Variants in KDM5C observed in about 807,000 individuals in gnomAD.
KDM5C encodes lysine-specific demethylase 5C.
Under a neutral mutation model 110.6 loss-of-function variants are expected in KDM5C, and 16 were observed. That is an observed-to-expected ratio of 0.14 (90% CI 0.10 to 0.22). KDM5C has a LOEUF of 0.22. KDM5C is among the 10% of genes least tolerant of loss of function. KDM5C has a pLI of 1.00. For missense variants in KDM5C, 681 were observed against 1,300.9 expected, an observed-to-expected ratio of 0.52 and a Z score of 7.33; for synonymous variants, 511 against 520.4, an observed-to-expected ratio of 0.98 and a Z score of 0.24.
chrX:53,176,632 G>A (rs1602138955), intron 25 of KDM5C, among the ~76,000 whole-genome samples: 1 of 112,051 alleles, frequency 8.9e-6, no homozygotes, highest in East Asian at 2.8e-4. Flanking sequence ...CCTGAGAAAG[G>A]AACTCAGATA....
At chrX:53,215,657 A>G (rs1049729053) in intron 7 of KDM5C, 138 bp downstream of exon 7, 18 of 613,337 alleles carry the variant, frequency 2.9e-5, no homozygotes, top group Non-Finnish European at 4.8e-5. Flanking sequence ...TGTTTCCCCA[A>G]TTAAGTGAGC....
chrX:53,210,974 C>A, intron 10 of KDM5C, 117 bp from the exon 11 acceptor site: 1 of 643,317 alleles, frequency 1.6e-6, no homozygotes, highest in East Asian at 3.4e-5. Flanking sequence ...TTTTTTGAAA[C>A]ATCTTAAGAA....
intron 25 of KDM5C, among the ~76,000 whole-genome samples, chrX:53,182,609 C>T (rs892476694): frequency 9.8e-5 from 11 of 111,870 alleles, no homozygotes; most frequent in African/African-American, 3.3e-4. Flanking sequence ...TCAGGTGATC[C>T]GCCCACCTCG....
rs1556832612 is a variant in KDM5C at position 53,193,281 on chromosome X, T to A, written c.4369A>T (p.Arg1457Trp). 8.3e-7 allele frequency: 1 copy of A among 1,206,772 alleles called. No homozygotes were observed. Among genetic ancestry groups the A allele is most frequent in the Non-Finnish European group, 1.1e-6 (1 of 894,534 alleles). Residue 1457 changes from arginine to tryptophan, a missense_variant, in exon 26 of 26, where the codon AGG becomes TGG. Physicochemically the swap from Arg to Trp is moderately radical, Grantham distance 101 (BLOSUM62 -3). Around this residue, in one of 14 missense-constraint regions of KDM5C, gnomAD observed 115 missense variants for 120.9 expected, o/e 0.95. Transcript: ENST00000375401. ...CGATCCACCTTCCGCCGCCGCCGCC[T>A]CTCCAGGGCCCGGCCCCGAGCCCGA... is the stretch of plus-strand genomic sequence containing the variant. ...GSRARGRALERRRRRKVDRGG... is the reference protein window; with the variant it reads ...GSRARGRALEWRRRRKVDRGG...
chrX:53,197,905 G>C (rs1556838859), intron 17 of KDM5C, 29 bp from the exon 18 acceptor site: 2 of 1,060,241 alleles, frequency 1.9e-6, no homozygotes, highest in Non-Finnish European at 2.6e-6. Context: ...GAGGTTTCAG[G>C]TCCAAACTCA....
At chrX:53,209,339 C>T (rs2073486600) in intron 12 of KDM5C, among the ~76,000 whole-genome samples, 1 of 110,870 alleles carries the variant, frequency 9.0e-6, no homozygotes, top group African/African-American at 3.3e-5. Context: ...TAGGACACCT[C>T]CTTCTGTCCA....
intron 14 of KDM5C, among the ~76,000 whole-genome samples, chrX:53,199,995 A>G (rs1556840865): frequency 5.4e-5 from 6 of 111,566 alleles, no homozygotes; most frequent in African/African-American, 2.0e-4. Flanking sequence ...GGTCTGTTTC[A>G]TTATCTAGTA....
chrX:53,221,429 A>G (rs1279016244), intron 1 of KDM5C, among the ~76,000 whole-genome samples: 3 of 111,762 alleles, frequency 2.7e-5, no homozygotes, highest in African/African-American at 9.8e-5. Flanking sequence ...TATGAACTCT[A>G]GCCCTGGCTT....
chrX:53,195,652 C>G (rs897060611), intron 20 of KDM5C, among the ~76,000 whole-genome samples: 1 of 111,867 alleles, frequency 8.9e-6, no homozygotes, highest in Non-Finnish European at 1.9e-5. Context: ...CTCCTCCATG[C>G]CCCTGCCCTG....
chrX:53,208,741 G>A (rs1393293671), intron 12 of KDM5C, among the ~76,000 whole-genome samples: 5 of 104,060 alleles, frequency 4.8e-5, no homozygotes, highest in African/African-American at 1.8e-4. Flanking sequence ...CTGACCTCAG[G>A]TGATCCGGCC....
Position 53,196,872 on chromosome X carries a change from T to G in KDM5C, c.2795A>C (p.Asp932Ala). 8.3e-7 allele frequency: 1 copy of G among 1,203,589 alleles called. No individual in the cohort carries two copies. The highest frequency in any genetic ancestry group is 3.0e-5 in the East Asian group (1 of 33,367). Residue 932 changes from aspartate to alanine, a missense_variant, in exon 19 of 26, where the codon GAT becomes GCT. Asp to Ala is a moderately radical substitution (Grantham distance 126). Around this residue, in one of 14 missense-constraint regions of KDM5C, gnomAD observed 123 missense variants for 169.0 expected, o/e 0.73. Transcript: ENST00000375401. ...GGGGGCCAGTGTGCGTTTCACCTCA[T>G]CCAGCCATCGCGCCTGTTCCACCTG... Reference protein sequence around the residue: ...QRQVEQARWLDEVKRTLAPSA... With the variant: ...QRQVEQARWLAEVKRTLAPSA...
chrX:53,208,669 C>CT (rs1335726914), intron 12 of KDM5C, among the ~76,000 whole-genome samples: 1 of 105,812 alleles, frequency 9.5e-6, no homozygotes, highest in Non-Finnish European at 1.9e-5. Flanking sequence ...CCACGCCCGG[C>CT]TAATTCTGTA....
In KDM5C at chrX:53,193,113, T is replaced by C. The variant is rs1197071783; in HGVS notation, c.4537A>G (p.Thr1513Ala). The C allele has an allele frequency of 1.7e-6, 2 of 1,207,284 alleles. No individual in the cohort carries two copies. Among genetic ancestry groups the C allele is most frequent in the African/African-American group, 1.8e-5 (1 of 56,444 alleles). ...GGEGPPAPIPTTGSPSTQENQ... is the reference protein window; with the variant it reads ...GGEGPPAPIPATGSPSTQENQ... ...TCCTGGGTGCTGGGGCTGCCAGTGG[T>C]GGGGATGGGTGCAGGGGGGCCCTCA... Residue 1513 changes from threonine (T) to alanine (A), a missense_variant, in exon 26 of 26, where the codon ACC becomes GCC. Around this residue, in one of 14 missense-constraint regions of KDM5C, gnomAD observed 115 missense variants for 120.9 expected, o/e 0.95. Coordinates refer to ENST00000375401, the MANE Select transcript of KDM5C (RefSeq NM_004187.5).
intron 14 of KDM5C, 143 bp downstream of exon 14, chrX:53,201,407 A>C (rs2073135171): frequency 3.5e-6 from 2 of 572,497 alleles, no homozygotes; most frequent in African/African-American, 4.5e-5. Flanking sequence ...GGTATAGCAG[A>C]GAATGGTATG....
In KDM5C at chrX:53,220,864, C is replaced by CG. The variant is rs782600511; in HGVS notation, c.202dup (p.Arg68ProfsTer7). ...CTCTAGCTCATTCAGCCTCTGGATT[C>CG]GGGGGGTAAACCTGAAGTTGTCCAC... On this transcript the variant is annotated frameshift_variant, in exon 2 of 26. Coordinates refer to ENST00000375401, the MANE Select transcript of KDM5C (RefSeq NM_004187.5). LOFTEE classifies it high-confidence loss of function. 1 of 1,208,871 alleles carries CG rather than the reference C, an allele frequency of 8.3e-7. No homozygotes were observed. Among genetic ancestry groups the CG allele is most frequent in the South Asian group, 1.8e-5 (1 of 56,724 alleles).
Position 53,192,877 on chromosome X carries a change from A to AC in KDM5C, c.*89dup, listed in dbSNP as rs782381464. On this transcript the variant is annotated 3_prime_UTR_variant, in exon 26 of 26. Coordinates refer to ENST00000375401, the MANE Select transcript of KDM5C (RefSeq NM_004187.5). The stretch of plus-strand genomic sequence containing the variant: ...GGGATGGCCACCCCCCTACCCGCCC[A>AC]CCCCCCAAGAAGCAGGCTTGATGGT... The AC allele has an allele frequency of 2.1e-4, 40 of 194,201 alleles. No homozygotes were observed. The highest frequency in any genetic ancestry group is 1.6e-3 in the Admixed American group (14 of 8,854). 16.0% of individuals were successfully genotyped at this position (194,201 alleles called of 1,213,427 possible).
intron 12 of KDM5C, among the ~76,000 whole-genome samples, chrX:53,207,201 A>AAG (rs2073369223): frequency 9.2e-6 from 1 of 108,123 alleles, no homozygotes; most frequent in Non-Finnish European, 1.9e-5. Flanking sequence ...AAAAAAAAAA[A>AAG]TCTTTAGTAG....
chrX:53,221,831 G>C, intron 1 of KDM5C: 5 of 700,187 alleles, frequency 7.1e-6, no homozygotes, highest in Non-Finnish European at 9.9e-6. Context: ...GGGGAGGGAA[G>C]TCAGGGAAAG....
chrX:53,187,944 G>T (rs1418216773), downstream of KDM5C, among the ~76,000 whole-genome samples: 1 of 108,841 alleles, frequency 9.2e-6, no homozygotes, highest in Non-Finnish European at 1.9e-5. Context: ...GGGTTTCACC[G>T]TGTTAGCCAG....
Sources: gnomAD v4.1 joint callset for allele counts (sites outside exome capture counted in the v4.1 genomes callset) on GRCh38, gnomAD v4.1.1 for gene constraint, gnomAD v4.1.1 regional missense constraint, MANE v1.5 for transcripts, NCBI Gene and HGNC (gene_info 2026-07-23, HGNC 2026-07-21) for gene names.